The following RNF13 variants were observed in gnomAD, a reference collection of about 807,000 sequenced individuals.
The protein encoded by RNF13 is ring finger protein 13.
A neutral mutation model predicts 37.7 loss-of-function variants in RNF13; 19 were observed. The observed-to-expected ratio is 0.50, with a 90% CI of 0.35 to 0.74. The LOEUF (loss-of-function observed/expected upper bound fraction) is 0.74. Ranked by LOEUF, RNF13 falls within the 30% of genes least tolerant of loss-of-function variation. The pLI is 0.01. For synonymous variants in RNF13, 144 were observed against 157.8 expected (o/e 0.91, Z 0.65); for missense variants, 375 against 453.0 (o/e 0.83, Z 1.56).
At chr3:149,917,637 A>G (rs756525191) in intron 7 of RNF13, among the ~76,000 whole-genome samples, 49 of 152,188 alleles carry the variant, frequency 3.2e-4, no homozygotes, top group Non-Finnish European at 1.2e-4. Context: ...ACAGTTTTAC[A>G]TTTCCAAAAT....
intron 1 of RNF13, among the ~76,000 whole-genome samples, chr3:149,836,251 C>CA (rs1721611673): frequency 6.6e-6 from 1 of 151,648 alleles, no homozygotes; most frequent in Non-Finnish European, 1.5e-5. Context: ...AACTCAGTGG[C>CA]AAAAAACCAA....
chr3:149,894,346 G>A (rs1715022038), intron 4 of RNF13, among the ~76,000 whole-genome samples: 1 of 152,092 alleles, frequency 6.6e-6, no homozygotes, highest in Admixed American at 6.5e-5. Context: ...CTCTTACCTA[G>A]CTTTCAGATC....
At chr3:149,944,494 T>C (rs888052880) in intron 8 of RNF13, among the ~76,000 whole-genome samples, 10 of 152,242 alleles carry the variant, frequency 6.6e-5, no homozygotes, top group African/African-American at 2.2e-4. Context: ...TTCCTGACTT[T>C]TTAATGATCG....
chr3:149,824,821 T>G (rs1720330408), intron 1 of RNF13, among the ~76,000 whole-genome samples: 1 of 152,070 alleles, frequency 6.6e-6, no homozygotes, highest in African/African-American at 2.4e-5. Flanking sequence ...TCTTTTTTTT[T>G]TTTTTAATTT....
rs1336125517 is a variant in RNF13 at position 149,856,385 on chromosome 3, TA to T, written c.195+3794del. 3.9e-5 allele frequency among the ~76,000 whole-genome samples: 6 copies of T among 151,932 alleles called. No individual in the cohort carries two copies. In the South Asian group the frequency reaches 8.3e-4, roughly 21 times the overall value. On this transcript the variant is annotated intron_variant, in intron 3 of 9. Coordinates refer to ENST00000392894, the MANE Select transcript of RNF13 (RefSeq NM_183381.3). ...TGTAAAACCAATTAAATAAATACGT[TA>T]AAAATATAACTAATTTAAAGATATA... is the stretch of plus-strand genomic sequence containing the variant.
chr3:149,939,137 T>C (rs1250773039), intron 8 of RNF13: 3 of 513,168 alleles, frequency 5.8e-6, no homozygotes, highest in Non-Finnish European at 1.1e-5. Context: ...TTTTTTCCTG[T>C]TTTTTGAAAG....
At chr3:149,943,820 T>TA (rs574087501) in intron 8 of RNF13, among the ~76,000 whole-genome samples, 182 of 152,124 alleles carry the variant, frequency 1.2e-3, no homozygotes, top group African/African-American at 2.6e-3. Context: ...CTTTTTTTTT[T>TA]TATATATATA....
At chr3:149,938,560 C>G (rs1719941045) in intron 8 of RNF13, among the ~76,000 whole-genome samples, 1 of 151,286 alleles carries the variant, frequency 6.6e-6, no homozygotes, top group Non-Finnish European at 1.5e-5. Flanking sequence ...ATTTTTCTTG[C>G]ACTGATGTCT....
rs550141750 is a variant in RNF13, at chr3:149,948,775, G to A, written c.701-11281G>A. Among the ~76,000 whole-genome samples, 27 of 152,148 alleles carry A rather than the reference G, an allele frequency of 1.8e-4. No individual in the cohort carries two copies. The South Asian group carries it at 3.3e-3, about 19-fold the overall frequency. On this transcript the variant is annotated intron_variant, in intron 8 of 9. Coordinates refer to ENST00000392894, the MANE Select transcript of RNF13 (RefSeq NM_183381.3). ...CGTGCCGTGACTCATGGCTGTAATC[G>A]CAGCACTTTGGGAGGCCAAGGTGGG...
intron 3 of RNF13, among the ~76,000 whole-genome samples, chr3:149,867,478 G>A (rs1576791088): frequency 1.3e-5 from 2 of 151,564 alleles, no homozygotes; most frequent in African/African-American, 4.8e-5. Flanking sequence ...TGTTAGCCAG[G>A]ATGGTGTTGA....
chr3:149,846,598 G>A (rs1023634076), intron 2 of RNF13, among the ~76,000 whole-genome samples: 7 of 152,228 alleles, frequency 4.6e-5, no homozygotes, highest in Admixed American at 1.3e-4. Flanking sequence ...GAGCCACCAC[G>A]CCCAGCCCCT....
At chr3:149,877,472 C>CTTTTTTTTTTTTTT (rs369676407) in intron 4 of RNF13, among the ~76,000 whole-genome samples, 68 of 101,428 alleles carry the variant, frequency 6.7e-4, no homozygotes, top group East Asian at 8.5e-4. Flanking sequence ...TTCTTTCTGT[C>CTTTTTTTTTTTTTT]TTTTTTTTTT....
At chr3:149,829,816 T>A (rs906059182) in intron 1 of RNF13, among the ~76,000 whole-genome samples, 10 of 152,144 alleles carry the variant, frequency 6.6e-5, no homozygotes, top group Non-Finnish European at 1.5e-4. Context: ...TTTCGAATTA[T>A]AGCTCCTATA....
At chr3:149,905,846 T>C (rs188342097) in intron 6 of RNF13, among the ~76,000 whole-genome samples, 1 of 152,262 alleles carries the variant, frequency 6.6e-6, no homozygotes, top group East Asian at 1.9e-4. Flanking sequence ...TCACATACCA[T>C]AAGGTTTACC....
intron 6 of RNF13, among the ~76,000 whole-genome samples, chr3:149,906,669 T>A (rs922817755): frequency 7.2e-6 from 1 of 137,932 alleles, no homozygotes; most frequent in African/African-American, 2.8e-5. Flanking sequence ...TTTTTTTTTT[T>A]AATTTAGAAA....
In RNF13 at chr3:149,897,425, C is replaced by G. The variant is rs1715382282; in HGVS notation, c.409+1865C>G. On this transcript the variant is annotated intron_variant, in intron 5 of 9. Transcript: ENST00000392894. ...CTGAAATTGTCAGTTCCCTTTATCA[C>G]TTATTTTTTCTTTGTAATACTGTAA... Among the ~76,000 whole-genome samples, 4 of 152,298 alleles carry G rather than the reference C, an allele frequency of 2.6e-5. No individual in the cohort carries two copies. In the South Asian group the frequency reaches 8.3e-4, roughly 32 times the overall value.
intron 8 of RNF13, among the ~76,000 whole-genome samples, chr3:149,934,770 T>C (rs1213475295): frequency 6.6e-6 from 1 of 151,770 alleles, no homozygotes; most frequent in Non-Finnish European, 1.5e-5. Context: ...AGTACAGGCA[T>C]GCACTACTAC....
chr3:149,906,184 G>A (rs1716371378), intron 6 of RNF13, among the ~76,000 whole-genome samples: 1 of 151,912 alleles, frequency 6.6e-6, no homozygotes, highest in Non-Finnish European at 1.5e-5. Context: ...TTGCTGAATA[G>A]CTTTCCATTG....
chr3:149,849,959 G>C (rs1272589736), intron 2 of RNF13, among the ~76,000 whole-genome samples: 2 of 152,132 alleles, frequency 1.3e-5, no homozygotes, highest in South Asian at 2.1e-4. Context: ...ATTCTAGTGA[G>C]GAGTAACTAT....
Sources: gnomAD v4.1 joint callset for allele counts (sites outside exome capture counted in the v4.1 genomes callset) on GRCh38, gnomAD v4.1.1 for gene constraint, MANE v1.5 for transcripts, NCBI Gene and HGNC (gene_info 2026-07-23, HGNC 2026-07-21) for gene names.